The following RASA3 variants were observed in gnomAD, a reference collection of about 807,000 sequenced individuals.
RASA3 encodes ras GTPase-activating protein 3.
RASA3 carries 73 observed loss-of-function variants against 110.0 expected under a neutral mutation model. That is an observed-to-expected ratio of 0.66 (90% CI 0.55 to 0.81). The LOEUF is 0.81. Among genes scored for constraint, RASA3 ranks in the 30% least tolerant of loss-of-function variants. The pLI is 0.00. For missense variants in RASA3, 976 were observed against 1,113.2 expected (o/e 0.88, Z 1.75); for synonymous variants, 500 against 451.4 (o/e 1.11, Z -1.37).
At chr13:113,993,259 T>A (rs2053159776) in intron 21 of RASA3, among the ~76,000 whole-genome samples, 1 of 152,132 alleles carries the variant, frequency 6.6e-6, no homozygotes, top group African/African-American at 2.4e-5. Flanking sequence ...CACTGAAACC[T>A]ACGCTTTCTG....
chr13:114,005,002 G>A (rs2053482916), intron 18 of RASA3, among the ~76,000 whole-genome samples: 1 of 152,226 alleles, frequency 6.6e-6, no homozygotes. Flanking sequence ...GTTATCTTAA[G>A]GGAGATGACT....
rs1257977146 is a variant in RASA3, at chr13:114,046,371, C to T, written c.278-5277G>A. ...TGGCAGCTCTGAAACTGCTCCTGCA[C>T]AGCAGGACTCCCCACGGGCGGGGTG... On this transcript the variant is annotated intron_variant, in intron 3 of 23. Transcript: ENST00000334062. Among the ~76,000 whole-genome samples the T allele has an allele frequency of 2.0e-5, 3 of 152,330 alleles. No individual in the cohort carries two copies. In the East Asian group the frequency reaches 5.8e-4, roughly 29 times the overall value.
rs762066375 is a variant in RASA3, at chr13:113,981,865, A to T, written c.2246-7T>A. 1 of 1,612,508 alleles carries T rather than the reference A, an allele frequency of 6.2e-7. No individual in the cohort carries two copies. On this transcript the variant is annotated splice_polypyrimidine_tract_variant and splice_region_variant and intron_variant, in intron 22 of 23. Transcript: ENST00000334062. ...GATTTGCTCCCACAGGCCTCTGTGG[A>T]GGGCGGAGGGGTCAGCGCAGGGCAG...
chr13:114,040,177 G>A (rs1327155768), intron 4 of RASA3, among the ~76,000 whole-genome samples: 3 of 152,214 alleles, frequency 2.0e-5, no homozygotes, highest in Non-Finnish European at 4.4e-5. Flanking sequence ...ATCCATGCAC[G>A]GAGCCCAGGC....
At chr13:114,013,552 C>T (rs532404975) in intron 14 of RASA3, among the ~76,000 whole-genome samples, 8 of 144,314 alleles carry the variant, frequency 5.5e-5, no homozygotes, top group Admixed American at 1.4e-4. Context: ...CTCTCTTTGT[C>T]CCTCTGTCTC....
chr13:114,131,310 G>A (rs2080514820), intron 1 of RASA3, among the ~76,000 whole-genome samples: 1 of 152,156 alleles, frequency 6.6e-6, no homozygotes, highest in South Asian at 2.1e-4. Flanking sequence ...TGGGGGAGAA[G>A]GACCGTGGGG....
At chr13:114,015,952 G>A (rs1280219810) in intron 13 of RASA3, among the ~76,000 whole-genome samples, 2 of 152,180 alleles carry the variant, frequency 1.3e-5, no homozygotes, top group Non-Finnish European at 2.9e-5. Context: ...CTCCAGGGGA[G>A]GAAGAGCTGG....
At position 113,996,709 on chromosome 13, in the gene RASA3, G is replaced by A. The variant is rs540632406; in HGVS notation, c.1963C>T (p.Leu655=). 19 of 1,613,786 alleles carry A rather than the reference G, an allele frequency of 1.2e-5. No individual in the cohort carries two copies. The highest frequency in any genetic ancestry group is 1.5e-5 in the Non-Finnish European group (18 of 1,180,018). The change falls in exon 21 of 24, where the codon CTG becomes TTG. Residue 655 remains leucine (L), a synonymous_variant. Transcript: ENST00000334062. ...ACGCAGTTGTTGGCCTGGATGTACA[G>A]CGCACGCTCTGGCTGGATGACCTGG... ...MFQVIQPERA[L]YIQANNCVEA... is the part of the protein sequence containing the mutation.
intron 1 of RASA3, among the ~76,000 whole-genome samples, chr13:114,100,095 A>G (rs1440083563): frequency 6.7e-6 from 1 of 150,016 alleles, no homozygotes; most frequent in Non-Finnish European, 1.5e-5. Context: ...CAGGGTGGAG[A>G]GACCACACTG....
intron 1 of RASA3, among the ~76,000 whole-genome samples, chr13:114,079,817 G>GTGCCCGTCCGCACTGGCC: frequency 6.6e-6 from 1 of 152,252 alleles, no homozygotes; most frequent in South Asian, 2.1e-4. Flanking sequence ...GTGGGCCTGA[G>GTGCCCGTCCGCACTGGCC]TGCCCGTCCG....
rs771995715 is a variant in RASA3, at chr13:113,981,812, C to T, written c.2292G>A (p.Glu764=). The change falls in exon 23 of 24, where the codon GAG becomes GAA. Residue 764 remains glutamate, a synonymous_variant. Transcript: ENST00000334062. ...GGTCGTCAATGACGAACGTCGAATA[C>T]TCCTCCTGCTCCGGGCCGTCATACA... is the stretch of plus-strand genomic sequence containing the variant. The part of the protein sequence containing the change: ...KSVYDGPEQE[E]YSTFVIDDPQ... 8.1e-6 allele frequency: 13 copies of T among 1,613,896 alleles called. No individual in the cohort carries two copies. The Admixed American group carries it at 1.8e-4, about 23-fold the overall frequency.
chr13:114,042,090 A>C (rs4354802), intron 3 of RASA3, among the ~76,000 whole-genome samples: 1 of 152,176 alleles, frequency 6.6e-6, no homozygotes, highest in Non-Finnish European at 1.5e-5. Flanking sequence ...ATGGATTTAT[A>C]TGTGTAAATT....
chr13:114,073,532 T>C (rs2079614214), intron 2 of RASA3, among the ~76,000 whole-genome samples, 188 bp downstream of exon 2: 1 of 149,554 alleles, frequency 6.7e-6, no homozygotes, highest in African/African-American at 2.5e-5. Flanking sequence ...AACGGGACGG[T>C]GACGTACACG....
chr13:114,039,215 C>T (rs1594368531), intron 4 of RASA3, among the ~76,000 whole-genome samples: 1 of 152,044 alleles, frequency 6.6e-6, no homozygotes, highest in Non-Finnish European at 1.5e-5. Context: ...GTGCTGCAAC[C>T]CCATACTCAG....
chr13:114,125,152 G>A (rs747742730), intron 1 of RASA3, among the ~76,000 whole-genome samples: 1 of 152,126 alleles, frequency 6.6e-6, no homozygotes, highest in African/African-American at 2.4e-5. Flanking sequence ...CATGTGGTTT[G>A]GCCTGGGCTT....
At chr13:114,047,081 G>A (rs1037418517) in intron 3 of RASA3, among the ~76,000 whole-genome samples, 1 of 152,138 alleles carries the variant, frequency 6.6e-6, no homozygotes, top group Non-Finnish European at 1.5e-5. Context: ...CTGGACCATC[G>A]AAATTAAAAA....
In RASA3 at chr13:114,061,229, C is replaced by T. The variant is rs573856985; in HGVS notation, c.174-9074G>A. ...CCCGCCACGGCCGGGGACGCTGCCT[C>T]GATGCGCGGGGCTCCCTCCGCCATG... On this transcript the variant is annotated intron_variant, in intron 2 of 23. Transcript: ENST00000334062. 2.5e-3 allele frequency among the ~76,000 whole-genome samples: 379 copies of T among 152,182 alleles called. 1 individual carries two copies. The highest frequency in any genetic ancestry group is 3.8e-3 in the Non-Finnish European group (256 of 67,990).
rs746774295 is a variant in RASA3, at chr13:113,996,608, CG to C, written c.2063del (p.Pro688ArgfsTer5). The C allele has an allele frequency of 6.2e-7, 1 of 1,613,584 alleles. No individual in the cohort carries two copies. Among genetic ancestry groups the C allele is most frequent in the Admixed American group, 1.7e-5 (1 of 60,024 alleles). On this transcript the variant is annotated frameshift_variant, in exon 21 of 24. Coordinates refer to ENST00000334062, the MANE Select transcript of RASA3 (RefSeq NM_007368.4). LOFTEE classifies it high-confidence loss of function. ...GCCAGTGGCCGCTCAGGTAGGCGGA[CG>C]GGTGGTAGACGGTGAGGCGCTTCTG... Reference protein sequence around the residue: ...CNQKRLTVYHPSAYLSGHWLC... With the variant: ...CNQKRLTVYHXSAYLSGHWLC...
At chr13:114,131,464 G>A (rs1203188168) in intron 1 of RASA3, among the ~76,000 whole-genome samples, 1 of 152,164 alleles carries the variant, frequency 6.6e-6, no homozygotes, top group African/African-American at 2.4e-5. Context: ...ACTCTCCCAA[G>A]ATAAAACAAC....
Sources: allele counts gnomAD v4.1 joint callset (sites outside exome capture counted in the v4.1 genomes callset), GRCh38; gene constraint gnomAD v4.1.1; transcripts MANE v1.5; gene names NCBI Gene and HGNC (gene_info 2026-07-23, HGNC 2026-07-21).